The following CEBPZ variants were observed in gnomAD, a reference collection of about 807,000 sequenced individuals.
The protein encoded by CEBPZ is CCAAT enhancer binding protein zeta.
A neutral mutation model predicts 104.5 loss-of-function variants in CEBPZ; 78 were observed. That is an observed-to-expected ratio of 0.75 (90% CI 0.62 to 0.90). The LOEUF (loss-of-function observed/expected upper bound fraction) is 0.90, where lower values mean the gene tolerates loss of function less well. Ranked by LOEUF, CEBPZ falls within the 40% of genes least tolerant of loss-of-function variation. The probability of loss-of-function intolerance (pLI) is 0.00; values close to 1 mark genes in which losing one functional copy is unlikely to be tolerated. For missense variants in CEBPZ, 1,439 were observed against 1,233.5 expected (o/e 1.17, Z -2.50); for synonymous variants, 470 against 427.0 (o/e 1.10, Z -1.24).
At chr2:37,227,318 T>C (rs1664911203) in intron 2 of CEBPZ, among the ~76,000 whole-genome samples, 1 of 152,240 alleles carries the variant, frequency 6.6e-6, no homozygotes, top group African/African-American at 2.4e-5. Flanking sequence ...TTCTGTATTT[T>C]ACAACCTCTC....
chr2:37,211,165 T>C, intron 12 of CEBPZ, 83 bp from the exon 13 acceptor site: 2 of 906,278 alleles, frequency 2.2e-6, no homozygotes, highest in Non-Finnish European at 3.4e-6. Flanking sequence ...CTAAAATCTT[T>C]ATTCTGATGG....
intron 8 of CEBPZ, 27 bp downstream of exon 8, chr2:37,216,113 T>C: frequency 6.5e-7 from 1 of 1,531,010 alleles, no homozygotes; most frequent in South Asian, 1.2e-5. Context: ...GTCTTTTCAG[T>C]TTCAACTGTC....
chr2:37,228,728 G>C lies in CEBPZ; in HGVS notation c.465C>G (p.Thr155=), dbSNP rs1233070015. Reference sequence around the variant, plus strand: ...GTTTATCTTTCTTTACTTTCGGTGTGGTACTGCCATTCTCATCAGAATGTG... The same window carrying C: ...GTTTATCTTTCTTTACTTTCGGTGTCGTACTGCCATTCTCATCAGAATGTG... ...PEPHSDENGS[T]TPKVKKDKQN... Residue 155 remains threonine, a synonymous_variant, in exon 2 of 16, where the codon ACC becomes ACG. Coordinates refer to ENST00000234170, the MANE Select transcript of CEBPZ (RefSeq NM_005760.3). The C allele has an allele frequency of 2.5e-6, 4 of 1,613,994 alleles. No homozygotes were observed. The highest frequency in any genetic ancestry group is 2.5e-6 in the Non-Finnish European group (3 of 1,179,990).
chr2:37,202,020 C>T (rs1677269744), intron 15 of CEBPZ, 117 bp from the exon 16 acceptor site: 1 of 818,692 alleles, frequency 1.2e-6, no homozygotes, highest in South Asian at 2.1e-5. Context: ...TGGTTTCCCA[C>T]CCACTATACA....
At chr2:37,231,108 G>A (rs1451391410) in intron 1 of CEBPZ, among the ~76,000 whole-genome samples, 2 of 152,170 alleles carry the variant, frequency 1.3e-5, no homozygotes, top group Middle Eastern at 3.2e-3. Flanking sequence ...CATACCACAA[G>A]GTCAGGACCA....
intron 11 of CEBPZ, 48 bp from the exon 12 acceptor site, chr2:37,212,087 A>T (rs1677739287): frequency 6.6e-7 from 1 of 1,513,306 alleles, no homozygotes; most frequent in African/African-American, 1.4e-5. Flanking sequence ...GTATTTTCTA[A>T]AGTAGTGTTT....
intron 13 of CEBPZ, among the ~76,000 whole-genome samples, chr2:37,207,634 T>G (rs1272714871): frequency 6.6e-6 from 1 of 152,144 alleles, no homozygotes; most frequent in Non-Finnish European, 1.5e-5. Context: ...TCAAAACCTC[T>G]GGGATACAGC....
intron 4 of CEBPZ, among the ~76,000 whole-genome samples, chr2:37,221,345 A>C (rs933106331): frequency 6.6e-6 from 1 of 152,050 alleles, no homozygotes; most frequent in Non-Finnish European, 1.5e-5. Context: ...CAAACCAAAA[A>C]ACCCCAAACT....
chr2:37,208,186 A>G (rs1174738326), intron 13 of CEBPZ, among the ~76,000 whole-genome samples: 1 of 152,214 alleles, frequency 6.6e-6, no homozygotes, highest in East Asian at 1.9e-4. Flanking sequence ...AAAGTCCAGG[A>G]CCAGATGGAT....
rs750845799 is a variant in CEBPZ, at chr2:37,201,765, C to T, written c.3164G>A (p.Ter1055=). The change falls in exon 16 of 16, where the codon TGA becomes TAA. Residue 1055 remains the stop codon, a stop_retained_variant. Coordinates refer to ENST00000234170, the MANE Select transcript of CEBPZ (RefSeq NM_005760.3). ...TAATCTATAATTTACATTAATAACT[C>T]ATTTCCTTTGTTTTTTAGTTTTTTG... ...TTQKTKKQRK[*] The T allele has an allele frequency of 1.4e-6, 2 of 1,380,068 alleles. No individual in the cohort carries two copies. The allele number at this position is 1,380,068 out of a possible 1,614,324, so 85.5% of individuals were successfully genotyped here. A position where few individuals can be genotyped will look rare whatever the true frequency, so the allele number is the denominator to read the frequency against.
chr2:37,222,883 T>C (rs1043153720), intron 3 of CEBPZ, among the ~76,000 whole-genome samples: 3 of 152,214 alleles, frequency 2.0e-5, no homozygotes, highest in Non-Finnish European at 4.4e-5. Flanking sequence ...TTCCATTTCA[T>C]TGTTAAGGAA....
In CEBPZ at chr2:37,228,376, C is replaced by T. The variant is rs766793208; in HGVS notation, c.817G>A (p.Val273Ile). Reference protein sequence around the residue: ...LQFVETLVNLVKKKGSKQQCL... With the variant: ...LQFVETLVNLIKKKGSKQQCL... The stretch of plus-strand genomic sequence containing the variant: ...TGCTGTTTGCTGCCCTTCTTTTTAA[C>T]AAGGTTCACAAGAGTTTCTACAAAC... The change falls in exon 2 of 16, where the codon GTT (valine) becomes ATT (isoleucine). Residue 273 changes from valine to isoleucine, a missense_variant. Val to Ile is a conservative substitution (Grantham distance 29). Transcript: ENST00000234170. 3.1e-6 allele frequency: 5 copies of T among 1,614,076 alleles called. No individual in the cohort carries two copies. The highest frequency in any genetic ancestry group is 2.7e-5 in the African/African-American group (2 of 74,920).
At chr2:37,220,655 C>G (rs1664749959) in intron 4 of CEBPZ, among the ~76,000 whole-genome samples, 182 bp from the exon 5 acceptor site, 1 of 152,220 alleles carries the variant, frequency 6.6e-6, no homozygotes, top group Non-Finnish European at 1.5e-5. Context: ...CTAGCATCTG[C>G]TCTTGAATAA....
chr2:37,215,274 C>T (rs1463202974), intron 8 of CEBPZ: 2 of 189,600 alleles, frequency 1.1e-5, no homozygotes, highest in Non-Finnish European at 2.2e-5. Context: ...ATAAAAAATT[C>T]AAAGAGTTAT....
At chr2:37,206,368 C>G (rs1054799721) in intron 13 of CEBPZ, among the ~76,000 whole-genome samples, 1 of 152,160 alleles carries the variant, frequency 6.6e-6, no homozygotes, top group Non-Finnish European at 1.5e-5. Flanking sequence ...TTTTTTGTTT[C>G]TTTTTTTGAG....
intron 5 of CEBPZ, among the ~76,000 whole-genome samples, chr2:37,218,266 CA>C (rs554080294): frequency 5.6e-4 from 73 of 130,186 alleles, no homozygotes; most frequent in Admixed American, 8.7e-4. Flanking sequence ...GACTCTGCCT[CA>C]AAAAAAAAAA....
chr2:37,224,129 T>C (rs1664829505), intron 2 of CEBPZ, among the ~76,000 whole-genome samples: 1 of 152,364 alleles, frequency 6.6e-6, no homozygotes, highest in South Asian at 2.1e-4. Flanking sequence ...TTATTCACTG[T>C]TGTAACCCCA....
chr2:37,202,816 C>T lies in CEBPZ; in HGVS notation c.2993G>A (p.Gly998Asp), dbSNP rs147728536. The stretch of plus-strand genomic sequence containing the variant: ...ATCTTTGTTAGCCATGGCATTCATG[C>T]CAATGTTATCAAACTTGGATCCCAT... ...ENMGSKFDNIGMNAMANKDNA... is the reference protein window; with the variant it reads ...ENMGSKFDNIDMNAMANKDNA... Residue 998 changes from glycine to aspartate, a missense_variant, in exon 15 of 16, where the codon GGC becomes GAC. Gly to Asp is a moderately conservative substitution (Grantham distance 94). Transcript: ENST00000234170. 1 of 1,597,916 alleles carries T rather than the reference C, an allele frequency of 6.3e-7. No individual in the cohort carries two copies. The highest frequency in any genetic ancestry group is 8.5e-7 in the Non-Finnish European group (1 of 1,172,672).
chr2:37,220,537 A>C (rs1572505427), intron 4 of CEBPZ, 64 bp from the exon 5 acceptor site: 9 of 770,948 alleles, frequency 1.2e-5, no homozygotes, highest in African/African-American at 5.4e-5. Flanking sequence ...AGGTCATTAA[A>C]AGCACCACCA....
Sources: allele counts gnomAD v4.1 joint callset (sites outside exome capture counted in the v4.1 genomes callset), GRCh38; gene constraint gnomAD v4.1.1; transcripts MANE v1.5; gene names NCBI Gene and HGNC (gene_info 2026-07-23, HGNC 2026-07-21).